PLCB1: variants seen among roughly 807,000 people sequenced by gnomAD.
PLCB1 encodes phospholipase C beta 1.
Under a neutral mutation model 161.8 loss-of-function variants are expected in PLCB1, and 46 were observed. The observed-to-expected ratio is 0.28, with a 90% CI of 0.22 to 0.36. The LOEUF (loss-of-function observed/expected upper bound fraction) is 0.36, where lower values mean the gene tolerates loss of function less well. Ranked by LOEUF, PLCB1 falls within the 10% of genes least tolerant of loss-of-function variation. The pLI is 1.00. For missense variants in PLCB1, 1,016 were observed against 1,472.5 expected (o/e 0.69, Z 5.07); for synonymous variants, 517 against 503.7 (o/e 1.03, Z -0.35).
intron 3 of PLCB1, among the ~76,000 whole-genome samples, chr20:8,453,950 C>T (rs746705191): frequency 5.9e-5 from 9 of 152,118 alleles, no homozygotes; most frequent in Non-Finnish European, 8.8e-5. Context: ...ATCCCATGGA[C>T]TGATGTCCTT....
At chr20:8,351,467 A>T (rs1156628570) in intron 2 of PLCB1, among the ~76,000 whole-genome samples, 1 of 152,142 alleles carries the variant, frequency 6.6e-6, no homozygotes, top group Admixed American at 6.5e-5. Context: ...AGCATAATCC[A>T]TGAAAGAAAA....
chr20:8,312,473 C>T (rs1359849431), intron 2 of PLCB1, among the ~76,000 whole-genome samples: 1 of 152,052 alleles, frequency 6.6e-6, no homozygotes, highest in African/African-American at 2.4e-5. Flanking sequence ...TCAATGATTG[C>T]CTCTAAGAAG....
At chr20:8,262,439 A>G (rs1048099299) in intron 2 of PLCB1, among the ~76,000 whole-genome samples, 2 of 152,204 alleles carry the variant, frequency 1.3e-5, no homozygotes, top group Admixed American at 1.3e-4. Flanking sequence ...AGAGGGATGC[A>G]GCAGTGGGGA....
At chr20:8,457,712 G>GCA (rs1431415455) in intron 3 of PLCB1, among the ~76,000 whole-genome samples, 247 of 70,660 alleles carry the variant, frequency 3.5e-3, no homozygotes, top group African/African-American at 0.018. Context: ...TAATGTGTGC[G>GCA]CGCACACACA....
intron 3 of PLCB1, among the ~76,000 whole-genome samples, chr20:8,498,715 C>G (rs1983281970): frequency 6.6e-6 from 1 of 152,170 alleles, no homozygotes; most frequent in Non-Finnish European, 1.5e-5. Flanking sequence ...CTTAAGACAA[C>G]TCTTTGTTTA....
intron 21 of PLCB1, 98 bp downstream of exon 21, chr20:8,739,458 G>T (rs1980757511): frequency 1.3e-6 from 1 of 776,244 alleles, no homozygotes; most frequent in Admixed American, 2.1e-5. Flanking sequence ...ACTATTTTCT[G>T]CTTTGTAATT....
chr20:8,433,536 A>G (rs1325075919), intron 3 of PLCB1, among the ~76,000 whole-genome samples: 1 of 147,124 alleles, frequency 6.8e-6, no homozygotes, highest in African/African-American at 2.6e-5. Flanking sequence ...AGTGACCCTT[A>G]GGAAGTTCCC....
chr20:8,375,584 GT>G (rs1444891916), intron 3 of PLCB1, among the ~76,000 whole-genome samples: 2 of 152,186 alleles, frequency 1.3e-5, no homozygotes, highest in Non-Finnish European at 2.9e-5. Context: ...TATCGGAGAA[GT>G]TTTAAAAAGG....
intron 1 of PLCB1, among the ~76,000 whole-genome samples, chr20:8,149,493 C>T (rs2051487174): frequency 6.6e-6 from 1 of 152,122 alleles, no homozygotes. Flanking sequence ...GATGATATGA[C>T]ACACTATGGT....
intron 3 of PLCB1, among the ~76,000 whole-genome samples, chr20:8,516,664 CATATATATAT>C (rs57237224): frequency 0.093 from 6,684 of 72,050 alleles, 212 homozygotes; most frequent in South Asian, 0.15. Flanking sequence ...AATATAACAT[CATATATATAT>C]ATATATATAT....
At chr20:8,744,798 T>C (rs1981084315) in intron 23 of PLCB1, among the ~76,000 whole-genome samples, 1 of 152,086 alleles carries the variant, frequency 6.6e-6, no homozygotes, top group Admixed American at 6.6e-5. Flanking sequence ...GGGGAAAATG[T>C]CACTCTAAAG....
chr20:8,801,995 G>C, intron 31 of PLCB1: 2 of 993,764 alleles, frequency 2.0e-6, no homozygotes, highest in Non-Finnish European at 3.3e-6. Context: ...GGAAACACCA[G>C]ATGACTTAGA....
chr20:8,143,685 T>A (rs1403200380), intron 1 of PLCB1, among the ~76,000 whole-genome samples: 1 of 152,130 alleles, frequency 6.6e-6, no homozygotes, highest in African/African-American at 2.4e-5. Flanking sequence ...GAACAGCAGG[T>A]GTGGGTATTC....
chr20:8,613,799 G>T (rs2123178330), intron 3 of PLCB1, among the ~76,000 whole-genome samples: 1 of 151,994 alleles, frequency 6.6e-6, no homozygotes, highest in East Asian at 1.9e-4. Flanking sequence ...TAATCTCAAG[G>T]TAAGGAAAGC....
intron 2 of PLCB1, among the ~76,000 whole-genome samples, chr20:8,197,481 T>C (rs1286835009): frequency 2.0e-5 from 3 of 152,226 alleles, no homozygotes; most frequent in African/African-American, 7.2e-5. Context: ...TGTCTGTTCA[T>C]ATCCTTTGCC....
chr20:8,637,661 T>C (rs1041388997), intron 4 of PLCB1, among the ~76,000 whole-genome samples: 10 of 152,204 alleles, frequency 6.6e-5, no homozygotes, highest in African/African-American at 9.7e-5. Context: ...AAAAGATAAA[T>C]ATATACTTGT....
intron 3 of PLCB1, among the ~76,000 whole-genome samples, chr20:8,436,146 C>T (rs1224142408): frequency 6.6e-6 from 1 of 152,024 alleles, no homozygotes; most frequent in Non-Finnish European, 1.5e-5. Flanking sequence ...CGAGACCAGC[C>T]TGGCCATGAC....
intron 2 of PLCB1, chr20:8,248,753 T>A (rs934132237): frequency 6.6e-6 from 1 of 151,970 alleles, no homozygotes; most frequent in African/African-American, 2.4e-5. Context: ...CTTCCCCAGT[T>A]AATCTTTTGC....
At chr20:8,528,308 A>G (rs775992202) in intron 3 of PLCB1, among the ~76,000 whole-genome samples, 3 of 152,126 alleles carry the variant, frequency 2.0e-5, no homozygotes, top group Non-Finnish European at 2.9e-5. Context: ...ATGTCTATCA[A>G]TAGGACAATG....
Sources: gnomAD v4.1 joint callset for allele counts (sites outside exome capture counted in the v4.1 genomes callset) on GRCh38, gnomAD v4.1.1 for gene constraint, MANE v1.5 for transcripts, NCBI Gene and HGNC (gene_info 2026-07-23, HGNC 2026-07-21) for gene names.